The following FAT4 variants were observed in gnomAD, a reference collection of about 807,000 sequenced individuals.
The protein encoded by FAT4 is FAT atypical cadherin 4.
FAT4 carries 84 observed loss-of-function variants against 303.9 expected under a neutral mutation model. The observed-to-expected ratio is 0.28, with a 90% CI of 0.23 to 0.33. FAT4 has a LOEUF of 0.33. Ranked by LOEUF, FAT4 falls within the 10% of genes least tolerant of loss-of-function variation. FAT4 has a pLI of 1.00. For missense variants in FAT4, 6,005 were observed against 6,146.8 expected (o/e 0.98, Z 0.77); for synonymous variants, 2,307 against 2,298.8 (o/e 1.00, Z -0.10).
chr4:125,455,282 C>A (rs1213248669), intron 10 of FAT4, among the ~76,000 whole-genome samples: 1 of 152,104 alleles, frequency 6.6e-6, no homozygotes, highest in Non-Finnish European at 1.5e-5. Context: ...ACAAAGGCAC[C>A]ATTTGCTGAT....
At chr4:125,440,403 T>C (rs375532147) in intron 8 of FAT4, among the ~76,000 whole-genome samples, 1 of 152,082 alleles carries the variant, frequency 6.6e-6, no homozygotes, top group Non-Finnish European at 1.5e-5. Flanking sequence ...CTTTTTGCAA[T>C]GTTCACACTA....
chr4:125,386,145 C>A (rs1168242110), intron 2 of FAT4, among the ~76,000 whole-genome samples: 4 of 152,142 alleles, frequency 2.6e-5, no homozygotes, highest in Non-Finnish European at 2.9e-5. Context: ...GTGCAATGAA[C>A]AAACTGGTTT....
In FAT4 at chr4:125,491,128, G is replaced by A. The variant is rs201633380; in HGVS notation, c.14312G>A (p.Arg4771His). 50 of 1,614,110 alleles carry A rather than the reference G, an allele frequency of 3.1e-5. No homozygotes were observed. The Admixed American group carries it at 6.2e-4, about 20-fold the overall frequency. Residue 4771 changes from arginine (R) to histidine (H), a missense_variant, in exon 18 of 18, where the codon CGC becomes CAC. Coordinates refer to ENST00000394329, the MANE Select transcript of FAT4 (RefSeq NM_001291303.3). ...TCACATGGTTCTAGACCAGGGAGTCGCCTAAAGCAGCCGATTGGGCAGATT... is the reference window on the plus strand; with the variant it reads ...TCACATGGTTCTAGACCAGGGAGTCACCTAAAGCAGCCGATTGGGCAGATT... ...MASHGSRPGS[R>H]LKQPIGQIPL...
In FAT4 at chr4:125,318,281, G is replaced by A; in HGVS notation, c.1870G>A (p.Glu624Lys). The change falls in exon 2 of 18, where the codon GAG becomes AAG. Residue 624 changes from glutamate (E) to lysine (K), a missense_variant. Glu to Lys is a moderately conservative substitution (Grantham distance 56). Coordinates refer to ENST00000394329, the MANE Select transcript of FAT4 (RefSeq NM_001291303.3). ...DNGTVRFSLQ[E>K]AETDRRSFRL... ...CGGAACAGTGCGCTTCTCCTTACAAGAGGCAGAGACTGACCGGAGGTCCTT... is the reference window on the plus strand; with the variant it reads ...CGGAACAGTGCGCTTCTCCTTACAAAAGGCAGAGACTGACCGGAGGTCCTT... 1 of 1,614,230 alleles carries A rather than the reference G, an allele frequency of 6.2e-7. No homozygotes were observed. Among genetic ancestry groups the A allele is most frequent in the South Asian group, 1.1e-5 (1 of 91,086 alleles).
intron 2 of FAT4, among the ~76,000 whole-genome samples, chr4:125,354,338 T>C (rs1387876145): frequency 1.3e-5 from 2 of 151,832 alleles, no homozygotes; most frequent in Admixed American, 1.3e-4. Flanking sequence ...GGATATGTTT[T>C]TGATTCAAAT....
intron 2 of FAT4, among the ~76,000 whole-genome samples, chr4:125,372,171 A>G (rs1454812173): frequency 6.6e-6 from 1 of 151,954 alleles, no homozygotes; most frequent in East Asian, 1.9e-4. Context: ...ATGTAGTGAG[A>G]CCTCGTCTCC....
intron 13 of FAT4, among the ~76,000 whole-genome samples, chr4:125,476,640 C>T (rs1012198508): frequency 3.0e-5 from 4 of 133,732 alleles, no homozygotes; most frequent in Non-Finnish European, 6.7e-5. Context: ...GCACTTAAAG[C>T]TGAGCACAGC....
intron 10 of FAT4, among the ~76,000 whole-genome samples, chr4:125,455,092 C>G (rs1230349281): frequency 6.6e-6 from 1 of 152,168 alleles, no homozygotes; most frequent in African/African-American, 2.4e-5. Flanking sequence ...CTCTTTCTTA[C>G]CCATCCCCAA....
Position 125,448,958 on chromosome 4 carries a change from C to T in FAT4, c.7948C>T (p.Pro2650Ser), listed in dbSNP as rs769898556. 6 of 1,613,750 alleles carry T rather than the reference C, an allele frequency of 3.7e-6. No homozygotes were observed. Among genetic ancestry groups the T allele is most frequent in the Non-Finnish European group, 4.2e-6 (5 of 1,179,894 alleles). Residue 2650 changes from proline (P) to serine (S), a missense_variant, in exon 10 of 18, where the codon CCT becomes TCT. By Grantham distance (74) the Pro-to-Ser change is moderately conservative (BLOSUM62 -1). Coordinates refer to ENST00000394329, the MANE Select transcript of FAT4 (RefSeq NM_001291303.3). The stretch of plus-strand genomic sequence containing the variant: ...AGAGGCCAGAGACGGTGGTTTCCCT[C>T]CTTTCTCCTCTTACGAGAAACTTGA... ...WIEARDGGFP[P>S]FSSYEKLDIT...
chr4:125,393,577 T>C (rs950613664), intron 2 of FAT4, among the ~76,000 whole-genome samples: 3 of 152,094 alleles, frequency 2.0e-5, no homozygotes, highest in African/African-American at 7.2e-5. Flanking sequence ...CAAAATAAAA[T>C]GATAGACTGC....
intron 2 of FAT4, among the ~76,000 whole-genome samples, chr4:125,391,321 T>C (rs1578589435): frequency 1.3e-5 from 2 of 152,150 alleles, no homozygotes; most frequent in Admixed American, 1.3e-4. Flanking sequence ...ATATACACCA[T>C]GGAATACTAT....
chr4:125,458,890 A>G (rs1726386167), intron 10 of FAT4, among the ~76,000 whole-genome samples: 2 of 152,028 alleles, frequency 1.3e-5, no homozygotes, highest in South Asian at 2.1e-4. Context: ...CAGGATACTT[A>G]GACTATCTTC....
chr4:125,422,418 A>C (rs1177742422), intron 7 of FAT4, among the ~76,000 whole-genome samples: 2 of 152,138 alleles, frequency 1.3e-5, no homozygotes, highest in Non-Finnish European at 2.9e-5. Flanking sequence ...CCTGGTGGAA[A>C]GTTATTGAAT....
rs979417135 is a variant in FAT4 at position 125,491,676 on chromosome 4, T to A, written c.14860T>A (p.Ser4954Thr). The change falls in exon 18 of 18, where the codon TCT becomes ACT. Residue 4954 changes from serine to threonine, a missense_variant. Coordinates refer to ENST00000394329, the MANE Select transcript of FAT4 (RefSeq NM_001291303.3). ...TGTAGATGTTTTTAAAGATTTGGCA[T>A]CTCTTCCAGAAAAAGCAGCAGCAAA... ...HYVDVFKDLA[S>T]LPEKAAANEE... is the part of the protein sequence containing the mutation. The A allele has an allele frequency of 6.2e-7, 1 of 1,614,104 alleles. No homozygotes were observed. Among genetic ancestry groups the A allele is most frequent in the Non-Finnish European group, 8.5e-7 (1 of 1,180,016 alleles).
At chr4:125,392,572 G>T (rs1396695) in intron 2 of FAT4, among the ~76,000 whole-genome samples, 14,952 of 152,070 alleles carry the variant, frequency 0.098, 1,319 homozygotes, top group African/African-American at 0.24. Context: ...TATTTACAGA[G>T]AATTTAACTA....
At chr4:125,469,276 G>A (rs1038767496) in intron 12 of FAT4, among the ~76,000 whole-genome samples, 1 of 152,148 alleles carries the variant, frequency 6.6e-6, no homozygotes, top group African/African-American at 2.4e-5. Flanking sequence ...CTGGTGGAGG[G>A]TCTTGCCTTG....
In FAT4 at chr4:125,450,763, C is replaced by T. The variant is rs142368545; in HGVS notation, c.9753C>T (p.Val3251=). 8.1e-6 allele frequency: 13 copies of T among 1,613,996 alleles called. No individual in the cohort carries two copies. In the African/African-American group the frequency reaches 1.7e-4, roughly 22 times the overall value. ...TTGTCATTGACCCTAACACAGGAGT[C>T]ATAACCACTCAAGGCTTCTTGGATT... ...DLFVIDPNTG[V]ITTQGFLDFE... The change falls in exon 10 of 18, where the codon GTC becomes GTT. Residue 3251 remains valine (V), a synonymous_variant. Transcript: ENST00000394329.
chr4:125,452,448 G>A lies in FAT4; in HGVS notation c.11438G>A (p.Cys3813Tyr), dbSNP rs1726126541. 1 of 1,613,918 alleles carries A rather than the reference G, an allele frequency of 6.2e-7. No individual in the cohort carries two copies. Among genetic ancestry groups the A allele is most frequent in the African/African-American group, 1.3e-5 (1 of 74,928 alleles). The change falls in exon 10 of 18, where the codon TGT becomes TAT. Residue 3813 changes from cysteine to tyrosine, a missense_variant. Transcript: ENST00000394329. ...CATGACTCCTGTGTGCATGGCCCATGTCAGAATGGAGGGAGCTGTCTACGA... is the reference window on the plus strand; with the variant it reads ...CATGACTCCTGTGTGCATGGCCCATATCAGAATGGAGGGAGCTGTCTACGA... ...VDHDSCVHGP[C>Y]QNGGSCLRRL... is the part of the protein sequence containing the mutation.
At chr4:125,438,832 TTCA>T (rs1725547924) in intron 8 of FAT4, among the ~76,000 whole-genome samples, 1 of 152,166 alleles carries the variant, frequency 6.6e-6, no homozygotes, top group African/African-American at 2.4e-5. Context: ...CTATTCTTTC[TTCA>T]GATTAAAAGA....
Sources: allele counts gnomAD v4.1 joint callset (sites outside exome capture counted in the v4.1 genomes callset), GRCh38; gene constraint gnomAD v4.1.1; transcripts MANE v1.5; gene names NCBI Gene and HGNC (gene_info 2026-07-23, HGNC 2026-07-21).